MAD1L1: variants seen among roughly 807,000 people sequenced by gnomAD.
MAD1L1 encodes mitotic spindle assembly checkpoint protein MAD1.
Under a neutral mutation model 96.9 loss-of-function variants are expected in MAD1L1, and 95 were observed. The observed-to-expected ratio is 0.98, with a 90% CI of 0.83 to 1.16. MAD1L1 has a LOEUF of 1.16. Among genes scored for constraint, MAD1L1 ranks in the 50% most tolerant of loss-of-function variants. The probability of loss-of-function intolerance (pLI) is 0.00; values close to 1 mark genes in which losing one functional copy is unlikely to be tolerated. For synonymous variants in MAD1L1, 473 were observed against 396.6 expected, an observed-to-expected ratio of 1.19 and a Z score of -2.29; for missense variants, 1,007 against 954.4, an observed-to-expected ratio of 1.06 and a Z score of -0.73.
rs756762720 is a variant in MAD1L1 at position 1,936,838 on chromosome 7, C to A, written c.1656G>T (p.Val552=). The A allele has an allele frequency of 1.2e-6, 2 of 1,606,236 alleles. No homozygotes were observed. The highest frequency in any genetic ancestry group is 2.2e-5 in the East Asian group (1 of 44,580). Residue 552 remains valine (V), a synonymous_variant, in exon 17 of 19, where the codon GTG becomes GTT. Transcript: ENST00000265854. The part of the protein sequence containing the change: ...VLHMSLNPTS[V]ARQRLREDHS... ...GGTCCTCGCGCAGGCGCTGCCTGGC[C>A]ACACTGGTGGGGTTCAGGCTCATGT... is the stretch of plus-strand genomic sequence containing the variant.
At chr7:1,944,176 G>A (rs549747515) in intron 16 of MAD1L1, among the ~76,000 whole-genome samples, 10 of 152,296 alleles carry the variant, frequency 6.6e-5, no homozygotes, top group Middle Eastern at 3.4e-3. Context: ...ACCCACAGAG[G>A]CACGCAGTAG....
chr7:1,873,253 C>G (rs1362193713), intron 18 of MAD1L1, among the ~76,000 whole-genome samples: 1 of 152,218 alleles, frequency 6.6e-6, no homozygotes, highest in Non-Finnish European at 1.5e-5. Flanking sequence ...GCTGGGGAGT[C>G]CCCTCTGGAC....
intron 17 of MAD1L1, among the ~76,000 whole-genome samples, chr7:1,917,282 G>A (rs1409915831): frequency 6.6e-6 from 1 of 152,172 alleles, no homozygotes. Flanking sequence ...TGCCCACCTA[G>A]CATGCAGACC....
chr7:1,892,738 C>A (rs117829095), intron 18 of MAD1L1, among the ~76,000 whole-genome samples: 9,421 of 152,256 alleles, frequency 0.062, 435 homozygotes, highest in Non-Finnish European at 0.089. Context: ...GTGCCGTCCA[C>A]GCCTCTGGCC....
chr7:2,111,013 G>T (rs1787349297), intron 11 of MAD1L1, among the ~76,000 whole-genome samples: 1 of 152,192 alleles, frequency 6.6e-6, no homozygotes, highest in African/African-American at 2.4e-5. Context: ...AGTGAGGGGA[G>T]GAAGAACGGA....
intron 13 of MAD1L1, among the ~76,000 whole-genome samples, chr7:2,005,841 T>A (rs1398547762): frequency 6.6e-6 from 1 of 151,732 alleles, no homozygotes; most frequent in African/African-American, 2.4e-5. Flanking sequence ...ACAAAAAAAG[T>A]TCGTTTGTAA....
intron 18 of MAD1L1, among the ~76,000 whole-genome samples, chr7:1,893,371 G>A (rs1236595821): frequency 6.6e-6 from 1 of 152,222 alleles, no homozygotes; most frequent in Non-Finnish European, 1.5e-5. Context: ...GAACCCGCTT[G>A]ACTGGAAACG....
chr7:2,144,419 G>T (rs1307035482), intron 11 of MAD1L1, among the ~76,000 whole-genome samples: 2 of 152,180 alleles, frequency 1.3e-5, no homozygotes, highest in African/African-American at 2.4e-5. Context: ...CCTCTCCAAA[G>T]CACGGTCTTA....
intron 10 of MAD1L1, among the ~76,000 whole-genome samples, chr7:2,164,791 TGG>T (rs1790345101): frequency 6.6e-6 from 1 of 152,148 alleles, no homozygotes; most frequent in African/African-American, 2.4e-5. Context: ...GGACACTACA[TGG>T]ACAAACAGAC....
chr7:1,841,986 C>T (rs147713449), intron 18 of MAD1L1, among the ~76,000 whole-genome samples: 27 of 152,204 alleles, frequency 1.8e-4, no homozygotes, highest in African/African-American at 5.3e-4. Flanking sequence ...CGCGCTCGGC[C>T]GCCATCTTCC....
intron 10 of MAD1L1, among the ~76,000 whole-genome samples, chr7:2,172,981 G>A (rs189328496): frequency 1.0e-3 from 155 of 152,336 alleles, no homozygotes; most frequent in Admixed American, 6.5e-3. Flanking sequence ...CTGCTAGCAT[G>A]CCCCTGGCAT....
At chr7:1,873,982 G>A (rs1053565814) in intron 18 of MAD1L1, among the ~76,000 whole-genome samples, 13 of 152,122 alleles carry the variant, frequency 8.5e-5, no homozygotes, top group Non-Finnish European at 1.3e-4. Context: ...CCACGCCAGG[G>A]TCAGTTCCGG....
At chr7:2,165,775 A>G (rs1191925212) in intron 10 of MAD1L1, among the ~76,000 whole-genome samples, 5 of 152,136 alleles carry the variant, frequency 3.3e-5, no homozygotes, top group African/African-American at 1.2e-4. Context: ...AGGTGGCTGG[A>G]GGCTCAGGGC....
At chr7:2,027,590 G>T (rs1783044551) in intron 12 of MAD1L1, among the ~76,000 whole-genome samples, 1 of 152,082 alleles carries the variant, frequency 6.6e-6, no homozygotes, top group Admixed American at 6.6e-5. Flanking sequence ...AAATATAGAA[G>T]AAAATCAAAT....
At chr7:2,180,339 A>C (rs1791144262) in intron 10 of MAD1L1, among the ~76,000 whole-genome samples, 1 of 152,356 alleles carries the variant, frequency 6.6e-6, no homozygotes, top group South Asian at 2.1e-4. Context: ...GCTCCTCATC[A>C]AGGACTCACC....
chr7:2,101,845 GC>G (rs1300262515), intron 11 of MAD1L1, among the ~76,000 whole-genome samples: 1 of 152,060 alleles, frequency 6.6e-6, no homozygotes, highest in Non-Finnish European at 1.5e-5. Context: ...CACCATCACA[GC>G]CCAAGCTGGC....
In MAD1L1 at chr7:2,104,879, G is replaced by A. The variant is rs531470649; in HGVS notation, c.1074-35541C>T. ...GCCTGCAGCTGCCTCTCCTTCCAAC[G>A]TGCAATGCAGGGTAGGTCCCCCCGC... On this transcript the variant is annotated intron_variant, in intron 11 of 18. Transcript: ENST00000265854. Among the ~76,000 whole-genome samples, 23 of 152,252 alleles carry A rather than the reference G, an allele frequency of 1.5e-4. No homozygotes were observed. In the South Asian group the frequency reaches 4.4e-3, roughly 29 times the overall value.
rs1253844609 is a variant in MAD1L1, at chr7:2,146,248, G to A, written c.1073+2904C>T. Among the ~76,000 whole-genome samples, 3 of 150,292 alleles carry A rather than the reference G, an allele frequency of 2.0e-5. No individual in the cohort carries two copies. The highest frequency in any genetic ancestry group is 4.2e-4 in the South Asian group (2 of 4,800). On this transcript the variant is annotated intron_variant, in intron 11 of 18. Transcript: ENST00000265854. The surrounding 1 kb of genome is among the most constrained non-coding windows in gnomAD (Gnocchi z 6.2). ...TCACAGCAGCACCGCCTGGAAGAGGGAGCACCGGGCACTGGGCTACGAGGA... is the reference window on the plus strand; with the variant it reads ...TCACAGCAGCACCGCCTGGAAGAGGAAGCACCGGGCACTGGGCTACGAGGA...
At chr7:1,847,654 C>G (rs377488208) in intron 18 of MAD1L1, 8 of 470,776 alleles carry the variant, frequency 1.7e-5, no homozygotes, top group African/African-American at 1.4e-4. Flanking sequence ...TGCCCTCGGC[C>G]CATCTCCCAA....
Sources: allele counts gnomAD v4.1 joint callset (sites outside exome capture counted in the v4.1 genomes callset), GRCh38; gene constraint gnomAD v4.1.1; non-coding constraint Gnocchi (gnomAD v3.1); transcripts MANE v1.5; gene names NCBI Gene and HGNC (gene_info 2026-07-23, HGNC 2026-07-21).